MAST4: variants seen among roughly 807,000 people sequenced by gnomAD.
MAST4 encodes the protein microtubule-associated serine/threonine-protein kinase 4.
MAST4 carries 89 observed loss-of-function variants against 162.7 expected under a neutral mutation model. The observed-to-expected ratio is 0.55, with a 90% CI of 0.46 to 0.65. MAST4 has a LOEUF of 0.65. Ranked by LOEUF, MAST4 falls within the 30% of genes least tolerant of loss-of-function variation. The pLI is 0.00. For missense variants in MAST4, 3,153 were observed against 3,374.0 expected, an observed-to-expected ratio of 0.93 and a Z score of 1.62; for synonymous variants, 1,479 against 1,361.1, an observed-to-expected ratio of 1.09 and a Z score of -1.91.
chr5:66,825,282 A>ACACACG (rs1267568332), intron 3 of MAST4, among the ~76,000 whole-genome samples: 1 of 107,540 alleles, frequency 9.3e-6, no homozygotes, highest in Non-Finnish European at 1.9e-5. Context: ...ACACACACAC[A>ACACACG]CACACACACA....
chr5:66,924,094 A>G (rs1216216317), intron 4 of MAST4, among the ~76,000 whole-genome samples: 1 of 152,182 alleles, frequency 6.6e-6, no homozygotes, highest in Non-Finnish European at 1.5e-5. Context: ...CCTTGTTGCC[A>G]TCTCATCTTC....
At chr5:66,623,986 T>C (rs1271631413) in intron 1 of MAST4, among the ~76,000 whole-genome samples, 1 of 151,910 alleles carries the variant, frequency 6.6e-6, no homozygotes, top group East Asian at 1.9e-4. Context: ...AAAAGGAAAA[T>C]TAAGAGAATC....
intron 3 of MAST4, among the ~76,000 whole-genome samples, chr5:66,895,364 G>C (rs1235492443): frequency 6.6e-6 from 1 of 151,998 alleles, no homozygotes; most frequent in Admixed American, 6.6e-5. Flanking sequence ...AAGTCCCATG[G>C]CTTTACATAC....
chr5:66,617,295 G>A (rs764962145), intron 1 of MAST4, among the ~76,000 whole-genome samples: 1 of 152,200 alleles, frequency 6.6e-6, no homozygotes, highest in Non-Finnish European at 1.5e-5. Context: ...GCACTGCACA[G>A]TTGCTTTATG....
chr5:66,912,983 C>A (rs1248387757), intron 4 of MAST4, among the ~76,000 whole-genome samples: 1 of 152,132 alleles, frequency 6.6e-6, no homozygotes, highest in Non-Finnish European at 1.5e-5. Context: ...GAATTCAAAA[C>A]CACAAAACAA....
intron 4 of MAST4, among the ~76,000 whole-genome samples, chr5:67,043,762 C>T (rs565676052): frequency 6.6e-6 from 1 of 152,290 alleles, no homozygotes; most frequent in South Asian, 2.1e-4. Context: ...TTCCCTACCC[C>T]CAGCACACAC....
At position 66,673,443 on chromosome 5, in the gene MAST4, A is replaced by G. The variant is rs1316125808; in HGVS notation, c.363+76425A>G. Among the ~76,000 whole-genome samples the G allele has an allele frequency of 2.6e-5, 4 of 151,930 alleles. No homozygotes were observed. In the East Asian group the frequency reaches 7.7e-4, roughly 29 times the overall value. ...CATGATTTTTACTTACCACTTATGA[A>G]GTTACCATCCCTTTCTGAAACATAA... is the stretch of plus-strand genomic sequence containing the variant. On this transcript the variant is annotated intron_variant, in intron 1 of 28. Transcript: ENST00000403625.
intron 19 of MAST4, among the ~76,000 whole-genome samples, chr5:67,139,627 G>T (rs957200917): frequency 1.3e-5 from 2 of 152,194 alleles, no homozygotes; most frequent in Non-Finnish European, 2.9e-5. Flanking sequence ...GTTCATTAAG[G>T]TATCTAGTTC....
At chr5:66,625,509 T>A (rs1244546969) in intron 1 of MAST4, among the ~76,000 whole-genome samples, 87 of 151,856 alleles carry the variant, frequency 5.7e-4, no homozygotes, top group Non-Finnish European at 2.9e-4. Context: ...ATACAAATAA[T>A]CCAATTAAAC....
intron 4 of MAST4, among the ~76,000 whole-genome samples, chr5:66,987,717 G>C (rs888303656): frequency 6.6e-6 from 1 of 152,042 alleles, no homozygotes; most frequent in Non-Finnish European, 1.5e-5. Flanking sequence ...ATTTGGTTTG[G>C]TAGGATTAAT....
intron 1 of MAST4, among the ~76,000 whole-genome samples, chr5:66,653,159 ATG>A (rs1746335989): frequency 6.6e-6 from 1 of 152,180 alleles, no homozygotes; most frequent in African/African-American, 2.4e-5. Flanking sequence ...TAATAGCACT[ATG>A]TTGTCTCATC....
At chr5:67,078,919 T>TATATATA (rs1762199308) in intron 5 of MAST4, among the ~76,000 whole-genome samples, 11 of 65,868 alleles carry the variant, frequency 1.7e-4, no homozygotes, top group African/African-American at 4.0e-4. Context: ...TAAATATATA[T>TATATATA]ATATATATAT....
intron 3 of MAST4, among the ~76,000 whole-genome samples, chr5:66,819,712 G>A (rs975387097): frequency 6.6e-6 from 1 of 151,304 alleles, no homozygotes; most frequent in Non-Finnish European, 1.5e-5. Context: ...TGTTTTTTTG[G>A]GGGGGAAGTT....
intron 14 of MAST4, among the ~76,000 whole-genome samples, chr5:67,126,857 T>C (rs1003819506): frequency 6.6e-6 from 1 of 152,236 alleles, no homozygotes; most frequent in Admixed American, 6.5e-5. Context: ...TTCACGATAT[T>C]GATTTTTCTA....
In MAST4 at chr5:66,796,238, G is replaced by C. The variant is rs533414412; in HGVS notation, c.642+7444G>C. Among the ~76,000 whole-genome samples the C allele has an allele frequency of 1.3e-3, 195 of 152,234 alleles. 1 individual carries two copies. The highest frequency in any genetic ancestry group is 4.5e-3 in the African/African-American group (188 of 41,552). On this transcript the variant is annotated intron_variant, in intron 3 of 28. Transcript: ENST00000403625. Reference sequence around the variant, plus strand: ...AAATGTGTATTCTGATTGTAAACATGGCTGGCTGCCCAATGGGTAATTAGT... The same window carrying C: ...AAATGTGTATTCTGATTGTAAACATCGCTGGCTGCCCAATGGGTAATTAGT...
At chr5:67,006,050 T>A (rs1311080957) in intron 4 of MAST4, among the ~76,000 whole-genome samples, 3 of 152,260 alleles carry the variant, frequency 2.0e-5, no homozygotes, top group African/African-American at 7.2e-5. Flanking sequence ...TAACTTTTTG[T>A]AGTATAAATG....
chr5:66,622,420 C>CTTTTTTTTTTT (rs35612725), intron 1 of MAST4, among the ~76,000 whole-genome samples: 1 of 141,788 alleles, frequency 7.1e-6, no homozygotes, highest in Non-Finnish European at 1.5e-5. Context: ...CCTTGTAAGG[C>CTTTTTTTTTTT]TTTTTTTTTT....
chr5:66,829,694 TA>T (rs1268250890), intron 3 of MAST4, among the ~76,000 whole-genome samples: 1 of 130,566 alleles, frequency 7.7e-6, no homozygotes, highest in Non-Finnish European at 1.7e-5. Context: ...TAAACTCTTA[TA>T]TATTATTTTG....
chr5:66,864,091 A>C (rs535654432), intron 3 of MAST4, among the ~76,000 whole-genome samples: 13 of 152,362 alleles, frequency 8.5e-5, no homozygotes, highest in African/African-American at 2.9e-4. Context: ...TTGAACACCT[A>C]CTAAGTGCCA....
Sources: gnomAD v4.1 joint callset for allele counts (sites outside exome capture counted in the v4.1 genomes callset) on GRCh38, gnomAD v4.1.1 for gene constraint, MANE v1.5 for transcripts, NCBI Gene and HGNC (gene_info 2026-07-23, HGNC 2026-07-21) for gene names.